DHRSX: variants seen among roughly 807,000 people sequenced by gnomAD.
DHRSX encodes polyprenol dehydrogenase.
A neutral mutation model predicts 34.0 loss-of-function variants in DHRSX; 31 were observed. The ratio of observed to expected loss-of-function variants is 0.91; its 90% confidence interval spans 0.69 to 1.23. The LOEUF (loss-of-function observed/expected upper bound fraction) is 1.23. DHRSX is among the 50% of genes most tolerant of loss of function. The pLI, the probability that DHRSX is intolerant of heterozygous loss-of-function variation, is 0.00. For missense variants in DHRSX, 414 were observed against 428.1 expected (o/e 0.97, Z 0.29); for synonymous variants, 201 against 183.8 (o/e 1.09, Z -0.76).
chrX:2,322,805 T>C (rs1461189630), intron 3 of DHRSX, among the ~76,000 whole-genome samples: 3 of 152,048 alleles, frequency 2.0e-5, no homozygotes, highest in Admixed American at 6.6e-5. Flanking sequence ...TGCTCAACAA[T>C]AGGATATTCA....
intron 5 of DHRSX, among the ~76,000 whole-genome samples, chrX:2,243,810 T>TTGG (rs1569478906): frequency 1.8e-5 from 2 of 108,180 alleles, no homozygotes; most frequent in Non-Finnish European, 4.0e-5. Context: ...TTTTTTTTTT[T>TTGG]TTTTTTTTTT....
intron 4 of DHRSX, among the ~76,000 whole-genome samples, chrX:2,270,795 G>A (rs1167335040): frequency 6.6e-6 from 1 of 152,174 alleles, no homozygotes; most frequent in Non-Finnish European, 1.5e-5. Flanking sequence ...TCTAGCTAAA[G>A]AATTGTAAAG....
intron 3 of DHRSX, 96 bp from the exon 4 acceptor site, chrX:2,291,699 G>T (rs899966595): frequency 2.3e-4 from 199 of 865,950 alleles, no homozygotes; most frequent in Non-Finnish European, 3.6e-4. Context: ...ATTTCATCTA[G>T]GAAGTAACAC....
intron 1 of DHRSX, among the ~76,000 whole-genome samples, chrX:2,452,192 T>A (rs2044230467): frequency 6.6e-6 from 1 of 151,718 alleles, no homozygotes; most frequent in Non-Finnish European, 1.5e-5. Flanking sequence ...CGCCGCCATG[T>A]ACACACTGAA....
At chrX:2,266,666 G>C (rs757026009) in intron 5 of DHRSX, 74 bp downstream of exon 5, 5 of 1,443,340 alleles carry the variant, frequency 3.5e-6, no homozygotes, top group East Asian at 4.5e-5. Context: ...GCGCCACACC[G>C]CACAGACAGA....
Position 2,225,220 on chromosome X carries a change from C to G in DHRSX, c.805-3991G>C, listed in dbSNP as rs769821576. On this transcript the variant is annotated intron_variant, in intron 6 of 6. Transcript: ENST00000334651. ...ACATTTGCATGCACATTCACATGTA[C>G]ACACATTCACATGCAGTCACACATG... Among the ~76,000 whole-genome samples, 11 of 151,734 alleles carry G rather than the reference C, an allele frequency of 7.2e-5. No homozygotes were observed. In the South Asian group the frequency reaches 1.9e-3, roughly 26 times the overall value.
At chrX:2,488,308 G>A (rs1046252189) in intron 1 of DHRSX, 7 of 286,078 alleles carry the variant, frequency 2.4e-5, no homozygotes, top group African/African-American at 1.5e-4. Context: ...TCCAGAAGCT[G>A]GGATTACAGG....
At chrX:2,406,112 C>T (rs1417762964) in intron 3 of DHRSX, among the ~76,000 whole-genome samples, 2 of 151,922 alleles carry the variant, frequency 1.3e-5, no homozygotes, top group South Asian at 2.1e-4. Context: ...GCCAACATGG[C>T]GAAACCCCGT....
At chrX:2,389,201 C>G (rs1204228672) in intron 3 of DHRSX, among the ~76,000 whole-genome samples, 1 of 152,146 alleles carries the variant, frequency 6.6e-6, no homozygotes, top group Non-Finnish European at 1.5e-5. Context: ...ATAGGGTAAC[C>G]AGCCAGGAAG....
At position 2,247,050 on chromosome X, in the gene DHRSX, G is replaced by A. The variant is rs375584297; in HGVS notation, c.597-3820C>T. Among the ~76,000 whole-genome samples, 19 of 152,148 alleles carry A rather than the reference G, an allele frequency of 1.2e-4. 1 individual carries two copies. In the East Asian group the frequency reaches 3.7e-3, roughly 30 times the overall value. ...TGCAACCTCTGCCTCCTAGGTTCAA[G>A]CAATTCTCCTGCCTCAGCCTCCTGA... On this transcript the variant is annotated intron_variant, in intron 5 of 6. Coordinates refer to ENST00000334651, the MANE Select transcript of DHRSX (RefSeq NM_145177.3).
chrX:2,340,015 T>A (rs988298403), intron 3 of DHRSX, among the ~76,000 whole-genome samples: 1 of 152,092 alleles, frequency 6.6e-6, no homozygotes, highest in African/African-American at 2.4e-5. Context: ...TTTCTCCACA[T>A]CCTCTCTAGC....
rs1165929294 is a variant in DHRSX, at chrX:2,276,159, A to G, written c.389-9212T>C. 3.9e-5 allele frequency among the ~76,000 whole-genome samples: 6 copies of G among 152,222 alleles called. No homozygotes were observed. In the South Asian group the frequency reaches 6.2e-4, roughly 16 times the overall value. ...GCCCGGCCTGTTTCTTAAAATTTCA[A>G]TAATTTTTGGGAAACCAGTGGTTTT... On this transcript the variant is annotated intron_variant, in intron 4 of 6. Transcript: ENST00000334651.
chrX:2,408,857 A>T, intron 2 of DHRSX, 44 bp from the exon 3 acceptor site: 1 of 1,495,212 alleles, frequency 6.7e-7, no homozygotes, highest in Non-Finnish European at 9.1e-7. Flanking sequence ...TTGTAGGATT[A>T]TCCAGAAACT....
chrX:2,340,648 G>A (rs968211930), intron 3 of DHRSX, among the ~76,000 whole-genome samples: 2 of 152,036 alleles, frequency 1.3e-5, no homozygotes, highest in African/African-American at 4.8e-5. Flanking sequence ...CCAGACACCC[G>A]CCATTGAGAA....
intron 1 of DHRSX, among the ~76,000 whole-genome samples, chrX:2,493,988 C>CA (rs200899696): frequency 0.25 from 37,753 of 149,734 alleles, 4,954 homozygotes; most frequent in South Asian, 0.33. Flanking sequence ...AAGAAGAAAA[C>CA]AAAAAAAAAG....
chrX:2,240,291 CA>C (rs778881739), intron 6 of DHRSX, among the ~76,000 whole-genome samples: 69 of 130,228 alleles, frequency 5.3e-4, no homozygotes, highest in Admixed American at 3.9e-4. Flanking sequence ...GACTCTATCT[CA>C]AAAAAAAAAA....
intron 1 of DHRSX, among the ~76,000 whole-genome samples, chrX:2,474,214 A>C (rs113780923): frequency 0.21 from 31,208 of 150,328 alleles, 4,266 homozygotes; most frequent in African/African-American, 0.39. Flanking sequence ...AAGAATGTGG[A>C]CAAGGGACTG....
chrX:2,460,356 C>A (rs2044385975), intron 1 of DHRSX, among the ~76,000 whole-genome samples: 1 of 152,120 alleles, frequency 6.6e-6, no homozygotes, highest in Non-Finnish European at 1.5e-5. Context: ...AAAAATAGCC[C>A]AGCTGGGAAG....
At chrX:2,385,110 ATGTGTGTGTG>A (rs934167358) in intron 3 of DHRSX, among the ~76,000 whole-genome samples, 1 of 146,502 alleles carries the variant, frequency 6.8e-6, no homozygotes, top group Admixed American at 6.8e-5. Flanking sequence ...TCAAATATAT[ATGTGTGTGTG>A]TGTGTGTGTG....
Sources: allele counts gnomAD v4.1 joint callset (sites outside exome capture counted in the v4.1 genomes callset), GRCh38; gene constraint gnomAD v4.1.1; transcripts MANE v1.5; gene names NCBI Gene and HGNC (gene_info 2026-07-23, HGNC 2026-07-21).